The following BORCS5 variants were observed in gnomAD, a reference collection of about 807,000 sequenced individuals.
BORCS5 encodes BLOC-1 related complex subunit 5.
A neutral mutation model predicts 22.1 loss-of-function variants in BORCS5; 17 were observed. That is an observed-to-expected ratio of 0.77 (90% CI 0.53 to 1.15). The LOEUF is 1.15. Among genes scored for constraint, BORCS5 ranks in the 50% most tolerant of loss-of-function variants. BORCS5 has a pLI of 0.00. For missense variants in BORCS5, 247 were observed against 253.2 expected (o/e 0.98, Z 0.17); for synonymous variants, 117 against 99.8 (o/e 1.17, Z -1.03).
chr12:12,430,393 C>T (rs994907551), intron 2 of BORCS5, among the ~76,000 whole-genome samples: 6 of 152,010 alleles, frequency 3.9e-5, no homozygotes, highest in African/African-American at 1.5e-4. Context: ...CCTCGTGATT[C>T]GCCTGCCTTG....
At chr12:12,455,463 T>C (rs537249508) in intron 3 of BORCS5, among the ~76,000 whole-genome samples, 258 of 151,918 alleles carry the variant, frequency 1.7e-3, no homozygotes, top group South Asian at 1.0e-2. Context: ...CTTTAAAGGG[T>C]GGGAAAGATG....
intron 2 of BORCS5, among the ~76,000 whole-genome samples, chr12:12,377,902 A>G (rs1162798738): frequency 2.0e-5 from 3 of 152,226 alleles, no homozygotes; most frequent in East Asian, 3.8e-4. Flanking sequence ...AGGGCCCTGA[A>G]TTTAAAGCAT....
chr12:12,399,086 A>G lies in BORCS5; in HGVS notation c.203-36542A>G, dbSNP rs181096741. On this transcript the variant is annotated intron_variant, in intron 2 of 3. Transcript: ENST00000314565. ...CTTCCAGATTACCTCTGTGTGTTTC[A>G]GGGGGGCTAAAACAGTATGTGTTTT... 4.6e-3 allele frequency among the ~76,000 whole-genome samples: 705 copies of G among 152,220 alleles called. 8 individuals are homozygous for G. The highest frequency in any genetic ancestry group is 0.016 in the African/African-American group (659 of 41,538).
Position 12,414,886 on chromosome 12 carries a change from A to G in BORCS5, c.203-20742A>G, listed in dbSNP as rs1394835899. ...CCTCCCAGACAGGGTTGTGGCCAGC[A>G]GAGGCGCTCCTCACATCCCAGACAG... is the stretch of plus-strand genomic sequence containing the variant. On this transcript the variant is annotated intron_variant, in intron 2 of 3. Coordinates refer to ENST00000314565, the MANE Select transcript of BORCS5 (RefSeq NM_058169.6). Among the ~76,000 whole-genome samples the G allele has an allele frequency of 7.4e-5, 11 of 149,172 alleles. No homozygotes were observed. The East Asian group carries it at 2.2e-3, about 30-fold the overall frequency.
intron 3 of BORCS5, among the ~76,000 whole-genome samples, chr12:12,449,019 G>A (rs7967111): frequency 0.55 from 83,242 of 152,116 alleles, 23,392 homozygotes; most frequent in African/African-American, 0.65. Context: ...CCACATTTAC[G>A]TTCTTGAAGT....
At chr12:12,408,250 G>T (rs1380775264) in intron 2 of BORCS5, among the ~76,000 whole-genome samples, 2 of 152,162 alleles carry the variant, frequency 1.3e-5, no homozygotes, top group Non-Finnish European at 2.9e-5. Flanking sequence ...GAATAATGCT[G>T]CTGTGAACAT....
Sources: allele counts gnomAD v4.1 joint callset (sites outside exome capture counted in the v4.1 genomes callset), GRCh38; gene constraint gnomAD v4.1.1; transcripts MANE v1.5; gene names NCBI Gene and HGNC (gene_info 2026-07-23, HGNC 2026-07-21).